The following CHCHD3 variants were observed in gnomAD, a reference collection of about 807,000 sequenced individuals.
CHCHD3 encodes the protein coiled-coil-helix-coiled-coil-helix domain containing 3.
A neutral mutation model predicts 38.2 loss-of-function variants in CHCHD3; 20 were observed. The ratio of observed to expected loss-of-function variants is 0.52; its 90% CI spans 0.37 to 0.76. The LOEUF (loss-of-function observed/expected upper bound fraction) is 0.76. Among genes scored for constraint, CHCHD3 ranks in the 30% least tolerant of loss-of-function variants. CHCHD3 has a pLI of 0.00. For missense variants in CHCHD3, 245 were observed against 279.2 expected, an observed-to-expected ratio of 0.88 and a Z score of 0.87; for synonymous variants, 82 against 100.0, an observed-to-expected ratio of 0.82 and a Z score of 1.07.
At chr7:132,836,621 C>T (rs1342450788) in intron 6 of CHCHD3, among the ~76,000 whole-genome samples, 1 of 152,040 alleles carries the variant, frequency 6.6e-6, no homozygotes, top group African/African-American at 2.4e-5. Context: ...CCAGTATATG[C>T]CCCTACAACT....
At chr7:132,888,893 G>A (rs1236896428) in intron 4 of CHCHD3, among the ~76,000 whole-genome samples, 3 of 152,098 alleles carry the variant, frequency 2.0e-5, no homozygotes, top group African/African-American at 7.2e-5. Context: ...GGGAGGGACA[G>A]AGAAGGTTGA....
At chr7:133,055,594 T>C (rs936347266) in intron 2 of CHCHD3, among the ~76,000 whole-genome samples, 1 of 147,662 alleles carries the variant, frequency 6.8e-6, no homozygotes, top group Non-Finnish European at 1.5e-5. Context: ...AATTGTGTTA[T>C]ATATCAAATT....
At chr7:132,986,458 T>G (rs1812127632) in intron 3 of CHCHD3, among the ~76,000 whole-genome samples, 1 of 148,512 alleles carries the variant, frequency 6.7e-6, no homozygotes, top group Non-Finnish European at 1.5e-5. Flanking sequence ...AACTTCTATA[T>G]GAGTGCTGGA....
At chr7:132,965,059 ATGTG>A (rs5887603) in intron 4 of CHCHD3, among the ~76,000 whole-genome samples, 10 of 148,540 alleles carry the variant, frequency 6.7e-5, no homozygotes, top group African/African-American at 1.7e-4. Flanking sequence ...TATGGGTTTT[ATGTG>A]TGTGTGTGTG....
intron 4 of CHCHD3, among the ~76,000 whole-genome samples, chr7:132,971,154 A>G (rs1005974511): frequency 2.6e-5 from 4 of 152,210 alleles, no homozygotes; most frequent in South Asian, 2.1e-4. Context: ...CAATACACAT[A>G]TCAAGTTGCA....
chr7:132,807,286 C>A (rs1001701451), intron 6 of CHCHD3, among the ~76,000 whole-genome samples: 5 of 152,074 alleles, frequency 3.3e-5, no homozygotes, highest in Non-Finnish European at 5.9e-5. Context: ...TACTCCAGGT[C>A]CTCTCTGCCC....
intron 2 of CHCHD3, among the ~76,000 whole-genome samples, chr7:133,067,664 T>C (rs1039451490): frequency 3.9e-5 from 6 of 152,262 alleles, no homozygotes; most frequent in Non-Finnish European, 7.3e-5. Flanking sequence ...CATTTGTTTC[T>C]GCACGACAAG....
intron 4 of CHCHD3, among the ~76,000 whole-genome samples, chr7:132,969,978 A>G (rs889872735): frequency 6.6e-6 from 1 of 152,200 alleles, no homozygotes; most frequent in Admixed American, 6.5e-5. Flanking sequence ...ATTGACCAGC[A>G]TTAACGTTAA....
At chr7:132,886,446 T>C (rs1246826768) in intron 4 of CHCHD3, among the ~76,000 whole-genome samples, 1 of 151,684 alleles carries the variant, frequency 6.6e-6, no homozygotes, top group Non-Finnish European at 1.5e-5. Flanking sequence ...TTTTTCAAGA[T>C]TTGTAAAAAA....
At chr7:132,810,508 T>C (rs1251943493) in intron 6 of CHCHD3, among the ~76,000 whole-genome samples, 1 of 152,222 alleles carries the variant, frequency 6.6e-6, no homozygotes, top group Non-Finnish European at 1.5e-5. Flanking sequence ...CAAATTGGCT[T>C]AACATTCTAG....
At chr7:132,858,798 G>GT (rs1276929223) in intron 5 of CHCHD3, among the ~76,000 whole-genome samples, 8 of 152,150 alleles carry the variant, frequency 5.3e-5, no homozygotes, top group Non-Finnish European at 1.0e-4. Flanking sequence ...TTAGCTAAGT[G>GT]TTAATACAGA....
At chr7:133,062,546 G>A (rs1180849088) in intron 2 of CHCHD3, among the ~76,000 whole-genome samples, 2 of 152,112 alleles carry the variant, frequency 1.3e-5, no homozygotes, top group African/African-American at 4.8e-5. Flanking sequence ...CACTTGTTCT[G>A]TGAGAAAATA....
rs1348169390 is a variant in CHCHD3, at chr7:132,995,489, T to A, written c.252-20203A>T. Among the ~76,000 whole-genome samples, 3 of 152,198 alleles carry A rather than the reference T, an allele frequency of 2.0e-5. No individual in the cohort carries two copies. In the East Asian group the frequency reaches 5.8e-4, roughly 29 times the overall value. Reference sequence around the variant, plus strand: ...TCACTTGATATTTTCCATCTTTGACTCAAAAGTGAAATCATAGACATACTT... The same window carrying A: ...TCACTTGATATTTTCCATCTTTGACACAAAAGTGAAATCATAGACATACTT... On this transcript the variant is annotated intron_variant, in intron 3 of 7. Coordinates refer to ENST00000262570, the MANE Select transcript of CHCHD3 (RefSeq NM_017812.4).
chr7:133,033,300 G>GA (rs1813551679), intron 2 of CHCHD3, among the ~76,000 whole-genome samples: 1 of 152,156 alleles, frequency 6.6e-6, no homozygotes, highest in South Asian at 2.1e-4. Context: ...TCAGCTCCAT[G>GA]AATCTCTGAT....
At chr7:132,814,984 C>T (rs539519504) in intron 6 of CHCHD3, among the ~76,000 whole-genome samples, 68 of 152,212 alleles carry the variant, frequency 4.5e-4, no homozygotes, top group South Asian at 3.9e-3. Flanking sequence ...TGATAACTTT[C>T]GTTTAAGGTC....
intron 4 of CHCHD3, among the ~76,000 whole-genome samples, chr7:132,910,604 A>C (rs529667697): frequency 1.3e-5 from 2 of 152,344 alleles, no homozygotes; most frequent in East Asian, 3.9e-4. Flanking sequence ...TTGTGCCAAG[A>C]GATAGCTCTA....
chr7:133,008,636 C>T (rs902258346), intron 3 of CHCHD3, among the ~76,000 whole-genome samples: 1 of 151,856 alleles, frequency 6.6e-6, no homozygotes, highest in Non-Finnish European at 1.5e-5. Context: ...TTTAAATGAC[C>T]ACCGTAATAA....
chr7:132,895,706 A>G (rs991072849), intron 4 of CHCHD3, among the ~76,000 whole-genome samples: 5 of 152,188 alleles, frequency 3.3e-5, no homozygotes, highest in African/African-American at 1.2e-4. Context: ...GCCTGCCACT[A>G]TGTAAGAAGT....
At chr7:133,019,082 C>T (rs1487959176) in intron 3 of CHCHD3, among the ~76,000 whole-genome samples, 1 of 151,774 alleles carries the variant, frequency 6.6e-6, no homozygotes, top group Non-Finnish European at 1.5e-5. Flanking sequence ...GGGGTTTCAC[C>T]ATGTTGGTCA....
Sources: allele counts gnomAD v4.1 joint callset (sites outside exome capture counted in the v4.1 genomes callset), GRCh38; gene constraint gnomAD v4.1.1; transcripts MANE v1.5; gene names NCBI Gene and HGNC (gene_info 2026-07-23, HGNC 2026-07-21).